The following COMMD10 variants were observed in gnomAD, a reference collection of about 807,000 sequenced individuals.
The protein encoded by COMMD10 is COMM domain-containing protein 10.
Under a neutral mutation model 28.9 loss-of-function variants are expected in COMMD10, and 33 were observed. That is an observed-to-expected ratio of 1.14 (90% CI 0.87 to 1.53). COMMD10 has a LOEUF of 1.53. Among genes scored for constraint, COMMD10 ranks in the 40% most tolerant of loss-of-function variants. The pLI is 0.00. For synonymous variants in COMMD10, 110 were observed against 81.7 expected, an observed-to-expected ratio of 1.35 and a Z score of -1.87; for missense variants, 310 against 233.4, an observed-to-expected ratio of 1.33 and a Z score of -2.14.
intron 5 of COMMD10, among the ~76,000 whole-genome samples, chr5:116,155,204 T>C (rs1009474913): frequency 3.3e-5 from 5 of 152,136 alleles, no homozygotes; most frequent in Non-Finnish European, 5.9e-5. Flanking sequence ...ATTGTCTGCA[T>C]TATTTAGTTA....
At chr5:116,184,006 A>T (rs1307493498) in intron 5 of COMMD10, among the ~76,000 whole-genome samples, 1 of 152,144 alleles carries the variant, frequency 6.6e-6, no homozygotes, top group East Asian at 1.9e-4. Flanking sequence ...GTCATCCGTT[A>T]AGGGTTAATA....
At position 116,121,121 on chromosome 5, in the gene COMMD10, C is replaced by T. The variant is rs1468471275; in HGVS notation, c.400-12947C>T. On this transcript the variant is annotated intron_variant, in intron 4 of 6. Transcript: ENST00000274458. ...TACATTAGATATTTCTCCTAATGCT[C>T]TCCTTCCCCCTGCCCCCCACCACAT... Among the ~76,000 whole-genome samples the T allele has an allele frequency of 3.9e-5, 6 of 152,174 alleles. No individual in the cohort carries two copies. In the East Asian group the frequency reaches 7.7e-4, roughly 20 times the overall value.
At chr5:116,086,916 G>A (rs1410865764) in intron 1 of COMMD10, among the ~76,000 whole-genome samples, 1 of 152,202 alleles carries the variant, frequency 6.6e-6, no homozygotes, top group African/African-American at 2.4e-5. Flanking sequence ...GGCAGAGGCT[G>A]TAGTGAGCTG....
chr5:116,270,387 C>T (rs1351379587), intron 5 of COMMD10, among the ~76,000 whole-genome samples: 1 of 151,462 alleles, frequency 6.6e-6, no homozygotes, highest in African/African-American at 2.4e-5. Context: ...AACTTCTAGG[C>T]AAAAAAGGTA....
intron 5 of COMMD10, among the ~76,000 whole-genome samples, chr5:116,209,035 G>T (rs1359637879): frequency 6.6e-6 from 1 of 151,914 alleles, no homozygotes; most frequent in Admixed American, 6.6e-5. Flanking sequence ...TGTTCTTGGT[G>T]TACTAATCTG....
chr5:116,154,266 A>G (rs933516659), intron 5 of COMMD10, among the ~76,000 whole-genome samples: 10 of 152,168 alleles, frequency 6.6e-5, no homozygotes, highest in Non-Finnish European at 1.5e-4. Context: ...TTTATTTTTA[A>G]ACTAGTTCTC....
At chr5:116,275,743 T>C (rs987834663) in intron 5 of COMMD10, among the ~76,000 whole-genome samples, 1 of 151,650 alleles carries the variant, frequency 6.6e-6, no homozygotes, top group Admixed American at 6.6e-5. Flanking sequence ...TTGAATAAAT[T>C]AATGAAATAA....
Position 116,090,882 on chromosome 5 carries a change from T to A in COMMD10, c.133-197T>A, listed in dbSNP as rs116156570. Among the ~76,000 whole-genome samples the A allele has an allele frequency of 8.7e-3, 1,326 of 152,348 alleles. 22 individuals carry two copies. The highest frequency in any genetic ancestry group is 0.03 in the African/African-American group (1,258 of 41,574). The stretch of plus-strand genomic sequence containing the variant: ...GCGTCACCACAAGATATTTGTTTAA[T>A]CTAATTTATTTTGTTTACAAAGGTC... On this transcript the variant is annotated intron_variant, in intron 2 of 6. Transcript: ENST00000274458.
At chr5:116,255,142 A>T (rs4342363) in intron 5 of COMMD10, among the ~76,000 whole-genome samples, 7,262 of 151,010 alleles carry the variant, frequency 0.048, 298 homozygotes, top group African/African-American at 0.093. Context: ...TTTGTTTTCC[A>T]TTTGCTTGGT....
At chr5:116,122,488 C>T (rs6871968) in intron 4 of COMMD10, among the ~76,000 whole-genome samples, 76,533 of 151,996 alleles carry the variant, frequency 0.5, 21,863 homozygotes, top group Non-Finnish European at 0.65. Context: ...TCCATATGAA[C>T]TTTAAAGTAG....
chr5:116,217,024 A>C (rs1199049436), intron 5 of COMMD10, among the ~76,000 whole-genome samples: 2 of 152,146 alleles, frequency 1.3e-5, no homozygotes, highest in African/African-American at 4.8e-5. Context: ...ACTTTTGAGT[A>C]GACATAGTCA....
chr5:116,094,483 A>G (rs1014199826), intron 4 of COMMD10, among the ~76,000 whole-genome samples: 18 of 152,212 alleles, frequency 1.2e-4, no homozygotes, highest in African/African-American at 4.3e-4. Context: ...ATCTTACCCC[A>G]GTTAGAATGG....
intron 2 of COMMD10, 59 bp downstream of exon 2, chr5:116,087,646 G>C: frequency 8.3e-7 from 1 of 1,208,676 alleles, no homozygotes; most frequent in Non-Finnish European, 1.2e-6. Flanking sequence ...TTGAAAGTCT[G>C]ATTATTTGGA....
chr5:116,173,519 A>G (rs938971637), intron 5 of COMMD10, among the ~76,000 whole-genome samples: 3 of 152,162 alleles, frequency 2.0e-5, no homozygotes, highest in African/African-American at 7.2e-5. Context: ...TTTTATTTTC[A>G]GCCATCACAT....
rs903099119 is a variant in COMMD10, at chr5:116,293,268, A to G, written c.*779A>G. On this transcript the variant is annotated 3_prime_UTR_variant, in exon 7 of 7. Transcript: ENST00000274458. ...CATAAATACGTTGATTTCTGTCAAT[A>G]AAATTTTTGTGTCTTAGGATTGGTT... 6 of 345,910 alleles carry G rather than the reference A, an allele frequency of 1.7e-5. No individual in the cohort carries two copies. The highest frequency in any genetic ancestry group is 1.1e-4 in the African/African-American group (5 of 47,556). The allele number at this position is 345,910 out of a possible 1,614,324, so 21.4% of individuals were successfully genotyped here.
intron 5 of COMMD10, among the ~76,000 whole-genome samples, chr5:116,137,262 A>G (rs1752050532): frequency 6.6e-6 from 1 of 152,132 alleles, no homozygotes; most frequent in South Asian, 2.1e-4. Context: ...ATTTACAAAT[A>G]TGAAATGAGA....
At chr5:116,207,213 G>A (rs1023641036) in intron 5 of COMMD10, among the ~76,000 whole-genome samples, 2 of 152,120 alleles carry the variant, frequency 1.3e-5, no homozygotes, top group African/African-American at 4.8e-5. Context: ...TTTGAAATAA[G>A]CATATAGGCA....
intron 5 of COMMD10, among the ~76,000 whole-genome samples, chr5:116,233,394 A>G (rs1044776196): frequency 2.6e-5 from 4 of 152,180 alleles, no homozygotes; most frequent in East Asian, 1.9e-4. Flanking sequence ...AGTTTCAGGC[A>G]TCCTTTGGAG....
chr5:116,114,922 T>C (rs980966004), intron 4 of COMMD10, among the ~76,000 whole-genome samples: 1 of 152,142 alleles, frequency 6.6e-6, no homozygotes, highest in Non-Finnish European at 1.5e-5. Flanking sequence ...TCTTGGGGGT[T>C]GCCTAGCTCC....
Sources: gnomAD v4.1 joint callset for allele counts (sites outside exome capture counted in the v4.1 genomes callset) on GRCh38, gnomAD v4.1.1 for gene constraint, MANE v1.5 for transcripts, NCBI Gene and HGNC (gene_info 2026-07-23, HGNC 2026-07-21) for gene names.